The following ATXN3 variants were observed in gnomAD, a reference collection of about 807,000 sequenced individuals.
ATXN3 encodes the protein ataxin-3.
ATXN3 carries 28 observed loss-of-function variants against 58.2 expected under a neutral mutation model. The observed-to-expected ratio is 0.48, with a 90% CI of 0.36 to 0.66. The LOEUF (loss-of-function observed/expected upper bound fraction) is 0.66. Ranked by LOEUF, ATXN3 falls within the 30% of genes least tolerant of loss-of-function variation. The probability of loss-of-function intolerance (pLI) is 0.00; values close to 1 mark genes in which losing one functional copy is unlikely to be tolerated. For synonymous variants in ATXN3, 113 were observed against 138.5 expected, an observed-to-expected ratio of 0.82 and a Z score of 1.29; for missense variants, 321 against 422.1, an observed-to-expected ratio of 0.76 and a Z score of 2.10.
rs55779410 is a variant in ATXN3 at position 92,092,236 on chromosome 14, T to C, written c.387+1016A>G. Among the ~76,000 whole-genome samples, 1,146 of 152,316 alleles carry C rather than the reference T, an allele frequency of 7.5e-3. 18 individuals are homozygous for C. Among genetic ancestry groups the C allele is most frequent in the African/African-American group, 0.026 (1,075 of 41,564 alleles). On this transcript the variant is annotated intron_variant, in intron 5 of 10. Coordinates refer to ENST00000644486, the MANE Select transcript of ATXN3 (RefSeq NM_004993.6). Reference sequence around the variant, plus strand: ...ACCATACAGCAGGTAGTATTTTGTTTGTGGGTTATTCTTTCAGCATAATTA... The same window carrying C: ...ACCATACAGCAGGTAGTATTTTGTTCGTGGGTTATTCTTTCAGCATAATTA...
chr14:92,083,779 C>G (rs181646028), intron 6 of ATXN3, among the ~76,000 whole-genome samples: 1 of 152,232 alleles, frequency 6.6e-6, no homozygotes, highest in Admixed American at 6.5e-5. Context: ...GAGGGTGTTG[C>G]CAAAGGAGAT....
In ATXN3 at chr14:92,059,160, T is replaced by C. The variant is rs1353346353; in HGVS notation, c.*5160A>G. ...TTAGAAGTTACGTTATTAGCACTAA[T>C]TCTTAAAATGCCAGACCACTTGGAA... On this transcript the variant is annotated 3_prime_UTR_variant, in exon 11 of 11. Coordinates refer to ENST00000644486, the MANE Select transcript of ATXN3 (RefSeq NM_004993.6). The C allele has an allele frequency of 6.6e-6, 1 of 152,172 alleles. No homozygotes were observed. The highest frequency in any genetic ancestry group is 1.5e-5 in the Non-Finnish European group (1 of 68,034). 9.4% of individuals were successfully genotyped at this position (152,172 alleles called of 1,614,324 possible).
intron 7 of ATXN3, 79 bp downstream of exon 7, chr14:92,083,047 A>G (rs577874229): frequency 1.3e-6 from 2 of 1,494,784 alleles, no homozygotes; most frequent in African/African-American, 2.8e-5. Flanking sequence ...CAAGGACCAC[A>G]TATTCAATCT....
chr14:92,046,429 G>C (rs1248943937), intron 2 of ATXN3: 1 of 152,290 alleles, frequency 6.6e-6, no homozygotes, highest in East Asian at 1.9e-4. Flanking sequence ...TGTGGTATCA[G>C]GAATAATGTG....
At chr14:92,091,922 T>C (rs1378755404) in intron 5 of ATXN3, among the ~76,000 whole-genome samples, 1 of 151,854 alleles carries the variant, frequency 6.6e-6, no homozygotes, top group African/African-American at 2.4e-5. Context: ...CCTGAACTCC[T>C]TGAGCTCAAG....
At chr14:92,102,392 A>G (rs1402452965) in intron 1 of ATXN3, among the ~76,000 whole-genome samples, 1 of 152,216 alleles carries the variant, frequency 6.6e-6, no homozygotes, top group Non-Finnish European at 1.5e-5. Flanking sequence ...GCAGTTCTAC[A>G]AAGATAATGT....
At chr14:92,069,308 T>C (rs1342442818) in intron 10 of ATXN3, among the ~76,000 whole-genome samples, 2 of 150,768 alleles carry the variant, frequency 1.3e-5, no homozygotes, top group African/African-American at 4.9e-5. Flanking sequence ...TGACCTCAGG[T>C]GATCCATCAG....
intron 3 of ATXN3, among the ~76,000 whole-genome samples, chr14:92,095,045 T>A (rs1469922310): frequency 1.3e-5 from 2 of 150,634 alleles, no homozygotes; most frequent in Non-Finnish European, 3.0e-5. Context: ...GATAAAAGAA[T>A]CTTGCGAGTA....
chr14:92,088,887 A>T (rs959781116), intron 5 of ATXN3, 70 bp from the exon 6 acceptor site: 1 of 856,686 alleles, frequency 1.2e-6, no homozygotes. Context: ...CATGTTAAGA[A>T]TAGATACAAC....
chr14:92,096,597 A>C lies in ATXN3; in HGVS notation c.189+77T>G, dbSNP rs188685550. ...CGAGATCGCGCCATTGCACTCCAGCATGGGCAACAGGGCGAGACTCCGTCT... is the reference window on the plus strand; with the variant it reads ...CGAGATCGCGCCATTGCACTCCAGCCTGGGCAACAGGGCGAGACTCCGTCT... On this transcript the variant is annotated intron_variant, in intron 2 of 10. Transcript: ENST00000644486. 3,468 of 1,438,214 alleles carry C rather than the reference A, an allele frequency of 2.4e-3. 33 individuals carry two copies. The African/African-American group carries it at 0.029, about 12-fold the overall frequency. 89.1% of individuals were successfully genotyped at this position (1,438,214 alleles called of 1,614,324 possible). A position where few individuals can be genotyped will look rare whatever the true frequency, so the allele number is the denominator to read the frequency against.
chr14:92,101,387 T>G (rs1007291573), intron 1 of ATXN3, among the ~76,000 whole-genome samples: 1 of 152,120 alleles, frequency 6.6e-6, no homozygotes. Flanking sequence ...ACTTAAGTCA[T>G]AGGACGGATC....
At chr14:92,048,629 A>C (rs1040732530) in intron 1 of ATXN3, among the ~76,000 whole-genome samples, 11 of 152,238 alleles carry the variant, frequency 7.2e-5, no homozygotes, top group Non-Finnish European at 1.2e-4. Context: ...CTATGCCTTC[A>C]GCTCCAGCCA....
chr14:92,096,477 A>C, intron 2 of ATXN3, 197 bp downstream of exon 2: 3 of 758,574 alleles, frequency 4.0e-6, no homozygotes, highest in Non-Finnish European at 6.2e-6. Context: ...ACAAAAAATT[A>C]GCCGGGCATA....
chr14:92,102,443 C>G (rs369643233), intron 1 of ATXN3, among the ~76,000 whole-genome samples: 6 of 152,138 alleles, frequency 3.9e-5, no homozygotes, highest in East Asian at 1.9e-4. Context: ...TCATTTACCC[C>G]CAACCTCCCC....
In ATXN3 at chr14:92,063,931, G is replaced by A. The variant is rs1382529780; in HGVS notation, c.*389C>T. Reference sequence around the variant, plus strand: ...AATGAAAGCCACTATTACATGATGTGAGCCAACTTACCTACAAGACAGAAA... The same window carrying A: ...AATGAAAGCCACTATTACATGATGTAAGCCAACTTACCTACAAGACAGAAA... On this transcript the variant is annotated 3_prime_UTR_variant, in exon 11 of 11. Coordinates refer to ENST00000644486, the MANE Select transcript of ATXN3 (RefSeq NM_004993.6). The A allele has an allele frequency of 1.2e-5, 2 of 160,076 alleles. No individual in the cohort carries two copies. The highest frequency in any genetic ancestry group is 1.8e-4 in the South Asian group (1 of 5,610). The allele number at this position is 160,076 out of a possible 1,614,324, so 9.9% of individuals were successfully genotyped here. A position where few individuals can be genotyped will look rare whatever the true frequency, so the allele number is the denominator to read the frequency against.
chr14:92,088,686 C>T (rs753916547), intron 6 of ATXN3, 44 bp downstream of exon 6: 1 of 1,341,056 alleles, frequency 7.5e-7, no homozygotes, highest in South Asian at 1.2e-5. Context: ...GGTTATTTAA[C>T]TACTTCGAAA....
At chr14:92,070,480 G>A (rs1187953881) in intron 10 of ATXN3, among the ~76,000 whole-genome samples, 1 of 152,148 alleles carries the variant, frequency 6.6e-6, no homozygotes, top group Non-Finnish European at 1.5e-5. Flanking sequence ...TCAGGAGGCT[G>A]AGGCAGGAGA....
intron 5 of ATXN3, among the ~76,000 whole-genome samples, chr14:92,089,919 C>A (rs1365578163): frequency 6.6e-6 from 1 of 151,946 alleles, no homozygotes; most frequent in African/African-American, 2.4e-5. Context: ...TTATAATTAC[C>A]AGCTCAGTTT....
intron 6 of ATXN3, among the ~76,000 whole-genome samples, chr14:92,087,297 A>G (rs2062804336): frequency 6.6e-6 from 1 of 152,204 alleles, no homozygotes; most frequent in Non-Finnish European, 1.5e-5. Flanking sequence ...ATTTAAAGTA[A>G]AACCTTAGCT....
Sources: gnomAD v4.1 joint callset for allele counts (sites outside exome capture counted in the v4.1 genomes callset) on GRCh38, gnomAD v4.1.1 for gene constraint, MANE v1.5 for transcripts, NCBI Gene and HGNC (gene_info 2026-07-23, HGNC 2026-07-21) for gene names.